RGPD2: variants seen among roughly 807,000 people sequenced by gnomAD.
The protein encoded by RGPD2 is RANBP2-like and GRIP domain-containing protein 2.
In RGPD2, 2 loss-of-function variants were observed where a neutral mutation model predicts 36.0. The ratio of observed to expected loss-of-function variants is 0.06; its 90% CI spans 0.02 to 0.17. The LOEUF is 0.17. Among genes scored for constraint, RGPD2 ranks in the 10% least tolerant of loss-of-function variants. The probability of loss-of-function intolerance (pLI) is 1.00; values close to 1 mark genes in which losing one functional copy is unlikely to be tolerated. For missense variants in RGPD2, 40 were observed against 464.3 expected (o/e 0.09, Z 8.40); for synonymous variants, 19 against 163.8 (o/e 0.12, Z 6.75).
At chr2:87,780,772 A>AT (rs1256249412) in intron 20 of RGPD2, among the ~76,000 whole-genome samples, 2 of 76,722 alleles carry the variant, frequency 2.6e-5, no homozygotes, top group Non-Finnish European at 5.2e-5. Context: ...CAAATACAAC[A>AT]TTTTTCTAAA....
chr2:87,813,959 C>T (rs1233667735), intron 4 of RGPD2, among the ~76,000 whole-genome samples: 1 of 151,632 alleles, frequency 6.6e-6, no homozygotes, highest in Non-Finnish European at 1.5e-5. Context: ...TTAAAGAGTG[C>T]TTCAAAGTAT....
At chr2:87,785,743 CCTCT>C (rs1371067005) in intron 18 of RGPD2, among the ~76,000 whole-genome samples, 69 of 110,138 alleles carry the variant, frequency 6.3e-4, no homozygotes, top group African/African-American at 2.0e-3. Flanking sequence ...CTGTCTGCTC[CCTCT>C]GTTTGGTCTG....
the RGPD2 span, among the ~76,000 whole-genome samples, chr2:87,988,956 T>C: frequency 2.6e-5 from 4 of 151,794 alleles, no homozygotes; most frequent in South Asian, 8.3e-4. Flanking sequence ...AGAGTGGACA[T>C]CACAAAGCAC....
At chr2:87,866,782 A>G in the RGPD2 span, among the ~76,000 whole-genome samples, 1 of 151,790 alleles carries the variant, frequency 6.6e-6, no homozygotes, top group Admixed American at 6.6e-5. Context: ...CCCAGGCCCC[A>G]GGGCAGTCTC....
At chr2:87,962,348 G>T in the RGPD2 span, among the ~76,000 whole-genome samples, 1 of 151,676 alleles carries the variant, frequency 6.6e-6, no homozygotes, top group African/African-American at 2.4e-5. Flanking sequence ...TATTTTGGTT[G>T]TGGATAATTT....
chr2:87,958,289 C>T, the RGPD2 span, among the ~76,000 whole-genome samples: 10 of 152,136 alleles, frequency 6.6e-5, no homozygotes, highest in Non-Finnish European at 1.3e-4. Flanking sequence ...ATCTCATGAG[C>T]ATAAACCAGT....
At chr2:87,882,070 G>A in the RGPD2 span, among the ~76,000 whole-genome samples, 1 of 152,216 alleles carries the variant, frequency 6.6e-6, no homozygotes, top group East Asian at 1.9e-4. Context: ...ACAGCACCAA[G>A]CCATGAGGGA....
chr2:87,939,284 A>C, the RGPD2 span, among the ~76,000 whole-genome samples: 6 of 152,130 alleles, frequency 3.9e-5, no homozygotes, highest in Middle Eastern at 3.2e-3. Context: ...AAAAACTGTG[A>C]AAATCATGAT....
At chr2:87,936,232 C>A in the RGPD2 span, among the ~76,000 whole-genome samples, 1 of 151,598 alleles carries the variant, frequency 6.6e-6, no homozygotes, top group East Asian at 2.0e-4. Flanking sequence ...AGATAATTTT[C>A]CATATGAATG....
At chr2:87,922,225 G>A in the RGPD2 span, among the ~76,000 whole-genome samples, 40 of 147,868 alleles carry the variant, frequency 2.7e-4, no homozygotes, top group Admixed American at 4.7e-4. Context: ...CCCGGGAGGC[G>A]GAGGTTTCAG....
the RGPD2 span, among the ~76,000 whole-genome samples, chr2:87,852,622 G>T: frequency 6.6e-6 from 1 of 152,254 alleles, no homozygotes; most frequent in Non-Finnish European, 1.5e-5. Context: ...GTGTTCCAGA[G>T]ATTTTGGCCT....
chr2:87,846,565 A>G, the RGPD2 span, among the ~76,000 whole-genome samples: 5 of 152,138 alleles, frequency 3.3e-5, no homozygotes, highest in Non-Finnish European at 5.9e-5. Flanking sequence ...AATTTTTTGA[A>G]TTAAATATTC....
chr2:87,825,560 CGAGGCCGCCGCCCGGCCAGGT>C (rs1273263623), intron 1 of RGPD2, 77 bp downstream of exon 1: 22 of 998,990 alleles, frequency 2.2e-5, no homozygotes, highest in East Asian at 2.0e-4. Flanking sequence ...CCGGCCAGGT[CGAGGCCGCCGCCCGGCCAGGT>C]CGAGGCCGCC....
chr2:87,989,432 T>C, the RGPD2 span, among the ~76,000 whole-genome samples: 2 of 152,160 alleles, frequency 1.3e-5, no homozygotes, highest in Non-Finnish European at 2.9e-5. Context: ...TTAGTTTTAA[T>C]GAGATGACAA....
the RGPD2 span, among the ~76,000 whole-genome samples, chr2:87,858,148 C>G: frequency 5.9e-4 from 89 of 152,106 alleles, no homozygotes; most frequent in Non-Finnish European, 9.7e-4. Context: ...CATGGTGGTG[C>G]GTGCCTGTAA....
rs1684730010 is a variant in RGPD2, at chr2:87,756,588, C to T, written c.*804G>A. The T allele has an allele frequency of 2.8e-6, 1 of 362,536 alleles. No individual in the cohort carries two copies. Among genetic ancestry groups the T allele is most frequent in the Admixed American group, 4.2e-5 (1 of 23,724 alleles). The allele number at this position is 362,536 out of a possible 1,614,324, so 22.5% of individuals were successfully genotyped here. On this transcript the variant is annotated 3_prime_UTR_variant, in exon 23 of 23. Transcript: ENST00000398146. ...ACTGTGCCCCGTGTGTCCCCAGCATCCTGGTGGGGCTCAATACACAGAGAG... is the reference window on the plus strand; with the variant it reads ...ACTGTGCCCCGTGTGTCCCCAGCATTCTGGTGGGGCTCAATACACAGAGAG...
intron 8 of RGPD2, among the ~76,000 whole-genome samples, chr2:87,798,812 G>A (rs1685793105): frequency 9.2e-6 from 1 of 108,748 alleles, no homozygotes; most frequent in Admixed American, 9.9e-5. Flanking sequence ...AGCTTGCAGT[G>A]AGCCGAGATC....
At chr2:87,843,647 A>G in the RGPD2 span, among the ~76,000 whole-genome samples, 1 of 151,328 alleles carries the variant, frequency 6.6e-6, no homozygotes, top group African/African-American at 2.4e-5. Context: ...TGTGGAAGTC[A>G]GTGTGGCAAT....
At chr2:87,972,463 T>C in the RGPD2 span, among the ~76,000 whole-genome samples, 9 of 113,936 alleles carry the variant, frequency 7.9e-5, no homozygotes, top group Non-Finnish European at 1.6e-4. Context: ...TAAACTGGCG[T>C]TCTCTTGTGA....
Sources: gnomAD v4.1 joint callset for allele counts (sites outside exome capture counted in the v4.1 genomes callset) on GRCh38, gnomAD v4.1.1 for gene constraint, MANE v1.5 for transcripts, NCBI Gene and HGNC (gene_info 2026-07-23, HGNC 2026-07-21) for gene names.